The following EBF2 variants were observed in gnomAD, a reference collection of about 807,000 sequenced individuals.
EBF2 encodes EBF transcription factor 2.
A neutral mutation model predicts 72.8 loss-of-function variants in EBF2; 21 were observed. The observed-to-expected ratio is 0.29, with a 90% confidence interval of 0.20 to 0.42. The LOEUF (loss-of-function observed/expected upper bound fraction) is 0.42. EBF2 is among the 10% of genes least tolerant of loss of function. The pLI is 1.00. For missense variants in EBF2, 637 were observed against 731.2 expected (o/e 0.87, Z 1.49); for synonymous variants, 299 against 274.2 (o/e 1.09, Z -0.89).
intron 6 of EBF2, among the ~76,000 whole-genome samples, chr8:26,022,502 A>T (rs1390264569): frequency 1.3e-5 from 2 of 152,162 alleles, no homozygotes; most frequent in African/African-American, 2.4e-5. Flanking sequence ...TCTCACTGCC[A>T]TCTTGTGAGT....
chr8:25,956,808 G>A (rs17054681), intron 6 of EBF2, among the ~76,000 whole-genome samples: 5,666 of 152,222 alleles, frequency 0.037, 149 homozygotes, highest in Middle Eastern at 0.095. Flanking sequence ...ATTATTCAGC[G>A]CTAACATTTA....
chr8:25,958,515 C>A lies in EBF2; in HGVS notation c.552-49960G>T, dbSNP rs143396761. ...ACTTTATACAACCTTATCACTGACA[C>A]CTCTCTGCAGTTTCAAATTCCAGCT... On this transcript the variant is annotated intron_variant, in intron 6 of 15. Coordinates refer to ENST00000520164, the MANE Select transcript of EBF2 (RefSeq NM_022659.4). Among the ~76,000 whole-genome samples, 70 of 152,252 alleles carry A rather than the reference C, an allele frequency of 4.6e-4. No homozygotes were observed. In the East Asian group the frequency reaches 0.013, roughly 29 times the overall value.
chr8:26,013,861 C>A (rs1199985464), intron 6 of EBF2, among the ~76,000 whole-genome samples: 1 of 152,174 alleles, frequency 6.6e-6, no homozygotes, highest in Non-Finnish European at 1.5e-5. Flanking sequence ...TCTCCAACAA[C>A]TGTATCAGAG....
rs1162937621 is a variant in EBF2 at position 25,843,146 on chromosome 8, G to T, written c.*1463C>A. On this transcript the variant is annotated 3_prime_UTR_variant, in exon 16 of 16. Coordinates refer to ENST00000520164, the MANE Select transcript of EBF2 (RefSeq NM_022659.4). ...GAGCCCATCAAAGGGCTGGGTAACT[G>T]TGCTGCATAGAACGCAGATGCCCCT... 1 of 152,222 alleles carries T rather than the reference G, an allele frequency of 6.6e-6. No homozygotes were observed. The highest frequency in any genetic ancestry group is 6.6e-5 in the Admixed American group (1 of 15,266). 9.4% of individuals were successfully genotyped at this position (152,222 alleles called of 1,614,324 possible). A position where few individuals can be genotyped will look rare whatever the true frequency, so the allele number is the denominator to read the frequency against.
intron 6 of EBF2, among the ~76,000 whole-genome samples, chr8:25,979,150 C>T (rs1804317285): frequency 6.6e-6 from 1 of 152,180 alleles, no homozygotes. Context: ...GCCCACAAAA[C>T]CATCCCAAGT....
At chr8:26,007,035 A>G (rs1804894591) in intron 6 of EBF2, among the ~76,000 whole-genome samples, 1 of 152,262 alleles carries the variant, frequency 6.6e-6, no homozygotes, top group Non-Finnish European at 1.5e-5. Flanking sequence ...CAGCCACAGA[A>G]GCAAAGGAAT....
intron 10 of EBF2, among the ~76,000 whole-genome samples, chr8:25,885,237 G>A (rs570736770): frequency 4.7e-4 from 71 of 151,762 alleles, no homozygotes; most frequent in African/African-American, 1.6e-3. Context: ...AAAAAATGTG[G>A]TAAAATACTC....
At chr8:25,915,734 G>A (rs1585194230) in intron 6 of EBF2, among the ~76,000 whole-genome samples, 1 of 152,040 alleles carries the variant, frequency 6.6e-6, no homozygotes, top group Non-Finnish European at 1.5e-5. Flanking sequence ...ATTAAATCTT[G>A]GAAAACATTT....
chr8:26,040,226 C>T (rs1039367040), intron 4 of EBF2, 125 bp from the exon 5 acceptor site: 2 of 1,011,456 alleles, frequency 2.0e-6, no homozygotes, highest in Non-Finnish European at 3.0e-6. Flanking sequence ...TTAGGAATTC[C>T]CGCCCGCAGC....
intron 6 of EBF2, among the ~76,000 whole-genome samples, chr8:25,942,102 C>T (rs1429933107): frequency 6.6e-6 from 1 of 152,110 alleles, no homozygotes; most frequent in Non-Finnish European, 1.5e-5. Context: ...TGTACTGAGT[C>T]CCTAGACAGA....
At chr8:25,953,279 T>C (rs183977163) in intron 6 of EBF2, among the ~76,000 whole-genome samples, 8 of 152,340 alleles carry the variant, frequency 5.3e-5, no homozygotes, top group Admixed American at 1.3e-4. Context: ...TTGATCACCA[T>C]GTCTTCAATG....
chr8:26,032,711 A>G (rs1805429834), intron 6 of EBF2: 1 of 192,692 alleles, frequency 5.2e-6, no homozygotes, highest in East Asian at 1.3e-4. Context: ...CCAAGCAGCA[A>G]TCACCGAGAA....
chr8:25,949,736 A>G (rs925343187), intron 6 of EBF2, among the ~76,000 whole-genome samples: 5 of 152,180 alleles, frequency 3.3e-5, no homozygotes, highest in Admixed American at 3.3e-4. Flanking sequence ...GAGGGTGGTC[A>G]TGGGAGTGAA....
At chr8:26,022,672 C>T (rs1805222359) in intron 6 of EBF2, among the ~76,000 whole-genome samples, 1 of 152,186 alleles carries the variant, frequency 6.6e-6, no homozygotes, top group South Asian at 2.1e-4. Flanking sequence ...TAAATGGGGG[C>T]AGCTGCTGCA....
At chr8:26,029,538 A>G (rs1805363296) in intron 6 of EBF2, among the ~76,000 whole-genome samples, 1 of 152,184 alleles carries the variant, frequency 6.6e-6, no homozygotes, top group Non-Finnish European at 1.5e-5. Context: ...AAGTTGGGGA[A>G]CCATCCTCTC....
chr8:25,948,811 T>C (rs1225917191), intron 6 of EBF2, among the ~76,000 whole-genome samples: 1 of 152,240 alleles, frequency 6.6e-6, no homozygotes, highest in Non-Finnish European at 1.5e-5. Context: ...TAATCCTACG[T>C]TGACTCTGGC....
In EBF2 at chr8:25,876,310, G is replaced by T. The variant is rs367693741; in HGVS notation, c.1009+10445C>A. ...CAGGACAAATAGCTAATGCATGCAG[G>T]GCTTAATAGCTAGGTGATGGGTCGA... On this transcript the variant is annotated intron_variant, in intron 10 of 15. Coordinates refer to ENST00000520164, the MANE Select transcript of EBF2 (RefSeq NM_022659.4). Among the ~76,000 whole-genome samples the T allele has an allele frequency of 2.6e-5, 4 of 152,040 alleles. No homozygotes were observed. In the East Asian group the frequency reaches 7.7e-4, roughly 29 times the overall value.
chr8:25,891,536 T>G (rs1284806713), intron 7 of EBF2, among the ~76,000 whole-genome samples: 1 of 152,048 alleles, frequency 6.6e-6, no homozygotes, highest in Non-Finnish European at 1.5e-5. Flanking sequence ...GTAATTGTCC[T>G]TCCTTACTTA....
intron 2 of EBF2, 152 bp from the exon 3 acceptor site, chr8:26,041,154 G>A (rs1371499439): frequency 2.4e-6 from 2 of 830,060 alleles, no homozygotes; most frequent in Non-Finnish European, 1.9e-6. Context: ...AAGGGCATGA[G>A]CATCTGCCTG....
Sources: allele counts gnomAD v4.1 joint callset (sites outside exome capture counted in the v4.1 genomes callset), GRCh38; gene constraint gnomAD v4.1.1; transcripts MANE v1.5; gene names NCBI Gene and HGNC (gene_info 2026-07-23, HGNC 2026-07-21).